UNC13A: variants seen among roughly 807,000 people sequenced by gnomAD.
UNC13A encodes protein unc-13 homolog A.
Under a neutral mutation model 219.7 loss-of-function variants are expected in UNC13A, and 61 were observed. That is an observed-to-expected ratio of 0.28 (90% CI 0.23 to 0.34). The LOEUF (loss-of-function observed/expected upper bound fraction) is 0.34. Ranked by LOEUF, UNC13A falls within the 10% of genes least tolerant of loss-of-function variation. The probability of loss-of-function intolerance (pLI) is 1.00; values close to 1 mark genes in which losing one functional copy is unlikely to be tolerated. For missense variants in UNC13A, 1,476 were observed against 2,270.3 expected (o/e 0.65, Z 7.11); for synonymous variants, 920 against 884.6 (o/e 1.04, Z -0.71).
chr19:17,665,854 A>G (rs1015857904), intron 7 of UNC13A, among the ~76,000 whole-genome samples: 3 of 152,022 alleles, frequency 2.0e-5, no homozygotes, highest in Non-Finnish European at 4.4e-5. Context: ...ATGTCTCTAG[A>G]TGTCCCAGAT....
At position 17,639,758 on chromosome 19, in the gene UNC13A, T is replaced by C. The variant is rs571022340; in HGVS notation, c.2856+82A>G. The C allele has an allele frequency of 3.3e-6, 5 of 1,518,124 alleles. No homozygotes were observed. The East Asian group carries it at 1.1e-4, about 34-fold the overall frequency. 94.0% of individuals were successfully genotyped at this position (1,518,124 alleles called of 1,614,324 possible). ...GTACATGCGAAGATGGGTCCTCCCA[T>C]GCACACACCTGCTGGTAGCTTTCCC... On this transcript the variant is annotated intron_variant, in intron 23 of 43. Transcript: ENST00000519716.
chr19:17,636,825 A>G (rs78637866), intron 25 of UNC13A, among the ~76,000 whole-genome samples: 2,666 of 152,322 alleles, frequency 0.018, 96 homozygotes, highest in African/African-American at 0.061. Context: ...AATCAATTGC[A>G]TCTAATCCAA....
Position 17,656,105 on chromosome 19 carries a change from T to G in UNC13A, c.1061A>C (p.Asp354Ala). 1 of 1,552,740 alleles carries G rather than the reference T, an allele frequency of 6.4e-7. No individual in the cohort carries two copies. Among genetic ancestry groups the G allele is most frequent in the Admixed American group, 2.0e-5 (1 of 51,022 alleles). ...TTCACGCTGGGCATAGCTGCCCAAA[T>G]CGTCAGGCACCTCCTCCTCCTCCTC... ...LEEEEEEVPD[D>A]LGSYAQREDV... The change falls in exon 10 of 44, where the codon GAT (aspartate) becomes GCT (alanine). Residue 354 changes from aspartate (D) to alanine (A), a missense_variant. Physicochemically the swap from Asp to Ala is moderately radical, Grantham distance 126 (BLOSUM62 -2). This residue lies in a region of UNC13A where 351 missense variants were observed against 342.6 expected (regional missense o/e 1.02). Transcript: ENST00000519716.
intron 35 of UNC13A, among the ~76,000 whole-genome samples, chr19:17,624,366 G>A (rs182602976): frequency 1.6e-3 from 238 of 152,046 alleles, no homozygotes; most frequent in African/African-American, 5.2e-3. Flanking sequence ...CAATCTGCCC[G>A]CCTCGAGCCT....
intron 41 of UNC13A, chr19:17,616,389 G>A (rs919434224): frequency 6.4e-5 from 44 of 692,286 alleles, no homozygotes; most frequent in Non-Finnish European, 1.1e-4. Context: ...GGCGGCGGGC[G>A]GGAGGCGGAG....
intron 35 of UNC13A, among the ~76,000 whole-genome samples, chr19:17,624,496 TG>T (rs989981837): frequency 2.0e-5 from 3 of 152,208 alleles, no homozygotes; most frequent in African/African-American, 7.2e-5. Flanking sequence ...CTCTGACCTT[TG>T]AAAGCTATTT....
At chr19:17,679,622 G>A (rs1416838339) in intron 1 of UNC13A, among the ~76,000 whole-genome samples, 1 of 151,944 alleles carries the variant, frequency 6.6e-6, no homozygotes, top group East Asian at 1.9e-4. Context: ...CTCCAACTGT[G>A]CCCTGTTTTA....
chr19:17,602,254 C>G lies in UNC13A; in HGVS notation c.*3800G>C, dbSNP rs1178700643. ...ACCCTCTTTACTTCCCCCGACACTC[C>G]CTGCCTTGGTCTCTGCATTTATCTT... is the stretch of plus-strand genomic sequence containing the variant. On this transcript the variant is annotated 3_prime_UTR_variant, in exon 44 of 44. Coordinates refer to ENST00000519716, the MANE Select transcript of UNC13A (RefSeq NM_001080421.3). 2 of 152,808 alleles carry G rather than the reference C, an allele frequency of 1.3e-5. No homozygotes were observed. Among genetic ancestry groups the G allele is most frequent in the Non-Finnish European group, 2.9e-5 (2 of 68,250 alleles). The allele number at this position is 152,808 out of a possible 1,614,324, so 9.5% of individuals were successfully genotyped here. A position where few individuals can be genotyped will look rare whatever the true frequency, so the allele number is the denominator to read the frequency against.
chr19:17,631,222 T>TCCTTC lies in UNC13A; in HGVS notation c.3429-473_3429-472insGAAGG, dbSNP rs59519256. Reference sequence around the variant, plus strand: ...TCCCTCCCTTCCTTCCTTCCTTCCTTCTTCCTTCCTTCCTTCCTTCCTGGG... The same window carrying TCCTTC: ...TCCCTCCCTTCCTTCCTTCCTTCCTTCCTTCCTTCCTTCCTTCCTTCCTTCCTGGG... On this transcript the variant is annotated intron_variant, in intron 28 of 43. Transcript: ENST00000519716. 9.9e-4 allele frequency among the ~76,000 whole-genome samples: 32 copies of TCCTTC among 32,388 alleles called. 1 individual carries two copies. Among genetic ancestry groups the TCCTTC allele is most frequent in the African/African-American group, 3.9e-3 (32 of 8,142 alleles). 21.2% of individuals were successfully genotyped at this position (32,388 alleles called of 152,430 possible). A position where few individuals can be genotyped will look rare whatever the true frequency, so the allele number is the denominator to read the frequency against.
rs1303279302 is a variant in UNC13A, at chr19:17,674,812, T to C, written c.53-56A>G. The C allele has an allele frequency of 4.2e-6, 6 of 1,445,144 alleles. No individual in the cohort carries two copies. In the Admixed American group the frequency reaches 1.0e-4, roughly 24 times the overall value. The allele number at this position is 1,445,144 out of a possible 1,614,324, so 89.5% of individuals were successfully genotyped here. ...GGGCTCAGGGACTCTCCAATGCCCCTTCCCAAGCTCTAGACCATCTGCTGT... is the reference window on the plus strand; with the variant it reads ...GGGCTCAGGGACTCTCCAATGCCCCCTCCCAAGCTCTAGACCATCTGCTGT... On this transcript the variant is annotated intron_variant, in intron 2 of 43. Coordinates refer to ENST00000519716, the MANE Select transcript of UNC13A (RefSeq NM_001080421.3). The surrounding 1 kb of genome is among the most constrained non-coding windows in gnomAD (Gnocchi z 5.0).
At chr19:17,624,715 C>T in intron 35 of UNC13A, 114 bp downstream of exon 35, 2 of 1,418,326 alleles carry the variant, frequency 1.4e-6, no homozygotes, top group Non-Finnish European at 9.3e-7. Flanking sequence ...CCTGGATGAC[C>T]TCTCTGAGAC....
Position 17,606,259 on chromosome 19 carries a change from G to C in UNC13A, c.4907C>G (p.Ala1636Gly), listed in dbSNP as rs2076527358. ...FAREDRTVGLAVLQLRELAQR... is the reference protein window; with the variant it reads ...FAREDRTVGLGVLQLRELAQR... ...GGCCAGCTCACGCAGCTGCAGCACG[G>C]CCAGCCCCACCGTGCGGTCCTCGCG... Residue 1636 changes from alanine (A) to glycine (G), a missense_variant, in exon 44 of 44, where the codon GCC becomes GGC. Ala to Gly is a moderately conservative substitution (Grantham distance 60). Around this residue, in one of 14 missense-constraint regions of UNC13A, gnomAD observed 187 missense variants for 172.3 expected, o/e 1.09. Transcript: ENST00000519716. 1.9e-6 allele frequency: 3 copies of C among 1,547,394 alleles called. No individual in the cohort carries two copies. In the African/African-American group the frequency reaches 4.1e-5, roughly 21 times the overall value.
At chr19:17,651,986 C>A (rs562225956) in intron 12 of UNC13A, among the ~76,000 whole-genome samples, 7 of 152,198 alleles carry the variant, frequency 4.6e-5, no homozygotes, top group East Asian at 3.9e-4. Context: ...ATTAAAGAGC[C>A]CACAACTGTA....
intron 39 of UNC13A, 94 bp downstream of exon 39, chr19:17,618,812 A>G: frequency 2.4e-6 from 3 of 1,240,182 alleles, no homozygotes; most frequent in Non-Finnish European, 3.6e-6. Flanking sequence ...GCATGTCATC[A>G]TCCTGGGACC....
chr19:17,650,455 G>C (rs1057126364), intron 12 of UNC13A, among the ~76,000 whole-genome samples: 2 of 152,146 alleles, frequency 1.3e-5, no homozygotes, highest in African/African-American at 4.8e-5. Flanking sequence ...AGAGGTTGCA[G>C]TGAGTCGAGA....
chr19:17,606,279 C>T lies in UNC13A; in HGVS notation c.4887G>A (p.Glu1629=), dbSNP rs1217156552. 1.1e-5 allele frequency: 17 copies of T among 1,548,740 alleles called. No homozygotes were observed. The highest frequency in any genetic ancestry group is 1.4e-5 in the African/African-American group (1 of 72,644). Residue 1629 remains glutamate, a synonymous_variant, in exon 44 of 44, where the codon GAG becomes GAA. Transcript: ENST00000519716. ...VCVKDYCFAR[E]DRTVGLAVLQ... is the part of the protein sequence containing the mutation. ...GCACGGCCAGCCCCACCGTGCGGTC[C>T]TCGCGCGCGAAGCAGTAGTCCTTGA...
At chr19:17,684,840 GGGTGTCACTAC>G (rs1555699996) in intron 1 of UNC13A, among the ~76,000 whole-genome samples, 1 of 152,226 alleles carries the variant, frequency 6.6e-6, no homozygotes, top group Non-Finnish European at 1.5e-5. Flanking sequence ...TCTAGGAGTG[GGGTGTCACTAC>G]ATCAGAGACA....
chr19:17,668,151 A>G lies in UNC13A; in HGVS notation c.434T>C (p.Leu145Pro). ...EEEARYWAKKLEQLNAMRDQD... is the reference protein window; with the variant it reads ...EEEARYWAKKPEQLNAMRDQD... ...GTCCCGCATAGCATTGAGCTGCTCC[A>G]GCTTCTTGGCCCAGTAGCGAGCCTC... The change falls in exon 6 of 44, where the codon CTG becomes CCG. Residue 145 changes from leucine to proline, a missense_variant. Coordinates refer to ENST00000519716, the MANE Select transcript of UNC13A (RefSeq NM_001080421.3). 6.2e-7 allele frequency: 1 copy of G among 1,613,868 alleles called. No homozygotes were observed. Among genetic ancestry groups the G allele is most frequent in the Non-Finnish European group, 8.5e-7 (1 of 1,179,812 alleles).
In UNC13A at chr19:17,606,118, T is replaced by C. The variant is rs2051711070; in HGVS notation, c.5048A>G (p.Glu1683Gly). Residue 1683 changes from glutamate (E) to glycine (G), a missense_variant, in exon 44 of 44, where the codon GAG (glutamate) becomes GGG (glycine). By Grantham distance (98) the Glu-to-Gly change is moderately conservative. This residue lies in a region of UNC13A where 187 missense variants were observed against 172.3 expected (regional missense o/e 1.09). Transcript: ENST00000519716. ...CGTGTCCGACTTGAGCTTCACGAAC[T>C]CCTTGGCCACCTCGTCGTTGCTGCG... ...SQRSNDEVAK[E>G]FVKLKSDTRS... 1 of 1,597,010 alleles carries C rather than the reference T, an allele frequency of 6.3e-7. No individual in the cohort carries two copies. Among genetic ancestry groups the C allele is most frequent in the Non-Finnish European group, 8.5e-7 (1 of 1,173,672 alleles).
Sources: gnomAD v4.1 joint callset for allele counts (sites outside exome capture counted in the v4.1 genomes callset) on GRCh38, gnomAD v4.1.1 for gene constraint, gnomAD v4.1.1 regional missense constraint, Gnocchi (gnomAD v3.1) non-coding constraint, MANE v1.5 for transcripts, NCBI Gene and HGNC (gene_info 2026-07-23, HGNC 2026-07-21) for gene names.